XRN1: variants seen among roughly 807,000 people sequenced by gnomAD.
XRN1 encodes strand-exchange protein 1 homolog.
A neutral mutation model predicts 222.3 loss-of-function variants in XRN1; 67 were observed. The ratio of observed to expected loss-of-function variants is 0.30; its 90% CI spans 0.25 to 0.37. XRN1 has a LOEUF of 0.37. XRN1 is among the 10% of genes least tolerant of loss of function. The pLI is 1.00. For missense variants in XRN1, 1,707 were observed against 2,000.2 expected, an observed-to-expected ratio of 0.85 and a Z score of 2.80; for synonymous variants, 643 against 652.4, an observed-to-expected ratio of 0.99 and a Z score of 0.22.
At chr3:142,372,592 G>T (rs1248971837) in intron 25 of XRN1, among the ~76,000 whole-genome samples, 1 of 152,222 alleles carries the variant, frequency 6.6e-6, no homozygotes, top group Non-Finnish European at 1.5e-5. Context: ...TGCGGCTGTT[G>T]TGGGAAGGGA....
chr3:142,349,173 C>T (rs866881868), intron 32 of XRN1, among the ~76,000 whole-genome samples: 2 of 151,978 alleles, frequency 1.3e-5, no homozygotes, highest in South Asian at 4.1e-4. Context: ...AGGTTGGTCT[C>T]GAACTCCTGG....
rs2068091255 is a variant in XRN1, at chr3:142,400,616, T to C, written c.2104-69A>G. 20 of 1,252,796 alleles carry C rather than the reference T, an allele frequency of 1.6e-5. 1 individual carries two copies. The South Asian group carries it at 2.8e-4, about 17-fold the overall frequency. 77.6% of individuals were successfully genotyped at this position (1,252,796 alleles called of 1,614,324 possible). A position where few individuals can be genotyped will look rare whatever the true frequency, so the allele number is the denominator to read the frequency against. The stretch of plus-strand genomic sequence containing the variant: ...AGAGAAAACTTTACACAGGCAAAAT[T>C]TTCCAATCTCCATTTAAGTTTTTTA... On this transcript the variant is annotated intron_variant, in intron 18 of 40. Transcript: ENST00000392981.
chr3:142,334,551 C>T (rs1237964145), intron 34 of XRN1, among the ~76,000 whole-genome samples: 4 of 151,748 alleles, frequency 2.6e-5, no homozygotes, highest in East Asian at 1.9e-4. Flanking sequence ...ATCTTGGCTT[C>T]CCCCACACCA....
Position 142,447,549 on chromosome 3 carries a change from A to G in XRN1, c.75+321T>C, listed in dbSNP as rs1182004953. On this transcript the variant is annotated intron_variant, in intron 1 of 40. Coordinates refer to ENST00000392981, the MANE Select transcript of XRN1 (RefSeq NM_001282857.2). This position sits in a 1 kb window ranked among gnomAD's most constrained non-coding sequence, Gnocchi z 4.2. Reference sequence around the variant, plus strand: ...CTCTGTAAGGAAAAAGGCAACTTGCAGCTCCCCGGGAGGAAACCGGAGAAC... The same window carrying G: ...CTCTGTAAGGAAAAAGGCAACTTGCGGCTCCCCGGGAGGAAACCGGAGAAC... 1.3e-5 allele frequency among the ~76,000 whole-genome samples: 2 copies of G among 152,220 alleles called. No individual in the cohort carries two copies. Among genetic ancestry groups the G allele is most frequent in the Non-Finnish European group, 2.9e-5 (2 of 68,042 alleles).
chr3:142,428,858 C>T (rs1559876500), intron 2 of XRN1, among the ~76,000 whole-genome samples: 2 of 152,056 alleles, frequency 1.3e-5, no homozygotes, highest in Admixed American at 6.6e-5. Context: ...TAGGAGAAAG[C>T]GATCCACCAG....
chr3:142,350,848 G>A (rs1208246904), intron 32 of XRN1, among the ~76,000 whole-genome samples: 3 of 152,128 alleles, frequency 2.0e-5, no homozygotes, highest in African/African-American at 4.8e-5. Context: ...ATTAGGTAAC[G>A]TAAGTTTGTG....
At chr3:142,445,776 C>G (rs559752893) in intron 1 of XRN1, among the ~76,000 whole-genome samples, 2 of 152,290 alleles carry the variant, frequency 1.3e-5, no homozygotes, top group Admixed American at 1.3e-4. Context: ...TTTGAGTGTT[C>G]ACAGGAGGTA....
At chr3:142,368,754 A>G (rs1277309097) in intron 27 of XRN1, among the ~76,000 whole-genome samples, 1 of 152,208 alleles carries the variant, frequency 6.6e-6, no homozygotes, top group Non-Finnish European at 1.5e-5. Context: ...TCTGAGCCTT[A>G]TATTTTTTCC....
chr3:142,388,713 A>C (rs1189615177), intron 20 of XRN1, among the ~76,000 whole-genome samples: 4 of 152,216 alleles, frequency 2.6e-5, no homozygotes, highest in Admixed American at 6.5e-5. Context: ...TTCTCTGCAG[A>C]ATGCAATGCT....
intron 27 of XRN1, 22 bp downstream of exon 27, chr3:142,370,463 C>T (rs765382663): frequency 6.3e-7 from 1 of 1,584,846 alleles, no homozygotes; most frequent in Non-Finnish European, 8.5e-7. Flanking sequence ...CATCAATAAT[C>T]TTGGTTACTG....
chr3:142,332,593 C>CGTAA, intron 35 of XRN1, 59 bp from the exon 36 acceptor site: 1 of 1,442,930 alleles, frequency 6.9e-7, no homozygotes, highest in South Asian at 1.4e-5. Flanking sequence ...GTCAACATTA[C>CGTAA]ATCTGTAGAA....
chr3:142,400,552 A>C lies in XRN1; in HGVS notation c.2104-5T>G, dbSNP rs2068087797. ...TGAAGCTACATTTTCTACGGTCTTA[A>C]AGTAAAAGCAAAAAAGTTCATTCAT... On this transcript the variant is annotated splice_region_variant and splice_polypyrimidine_tract_variant and intron_variant, in intron 18 of 40. Transcript: ENST00000392981. 6.2e-7 allele frequency: 1 copy of C among 1,602,470 alleles called. No homozygotes were observed. Among genetic ancestry groups the C allele is most frequent in the Non-Finnish European group, 8.5e-7 (1 of 1,175,128 alleles).
intron 33 of XRN1, among the ~76,000 whole-genome samples, chr3:142,342,989 C>T (rs1252747458): frequency 6.6e-6 from 1 of 151,964 alleles, no homozygotes; most frequent in African/African-American, 2.4e-5. Context: ...AGAGACAATA[C>T]ACAGAATGGG....
chr3:142,379,202 C>G (rs1334809004), intron 23 of XRN1, among the ~76,000 whole-genome samples: 2 of 152,072 alleles, frequency 1.3e-5, no homozygotes, highest in African/African-American at 2.4e-5. Flanking sequence ...ACCAGGGAGG[C>G]AGAGGTTGCA....
chr3:142,382,494 T>C (rs1005797360), intron 22 of XRN1, among the ~76,000 whole-genome samples: 2 of 152,180 alleles, frequency 1.3e-5, no homozygotes, highest in Non-Finnish European at 2.9e-5. Context: ...ATTTGGGCAG[T>C]GGTAGTACCC....
intron 37 of XRN1, among the ~76,000 whole-genome samples, chr3:142,320,393 C>G (rs2065320566): frequency 6.6e-6 from 1 of 152,130 alleles, no homozygotes; most frequent in Admixed American, 6.6e-5. Flanking sequence ...GAAATGTTCA[C>G]TCATGACCTT....
Position 142,311,649 on chromosome 3 carries a change from T to C in XRN1, c.4947A>G (p.Gln1649=), listed in dbSNP as rs1283923141. 1.9e-6 allele frequency: 3 copies of C among 1,614,120 alleles called. No homozygotes were observed. The highest frequency in any genetic ancestry group is 2.2e-5 in the South Asian group (2 of 91,080). The change falls in exon 41 of 41, where the codon CAA becomes CAG. Residue 1649 remains glutamine, a synonymous_variant. Transcript: ENST00000392981. ...SASLKSSPIA[Q]PASSFQVETA... is the part of the protein sequence containing the mutation. Reference sequence around the variant, plus strand: ...TTTCAACTTGAAAAGAAGATGCAGGTTGAGCAATCGGAGAGGACTTCAAAG... The same window carrying C: ...TTTCAACTTGAAAAGAAGATGCAGGCTGAGCAATCGGAGAGGACTTCAAAG...
rs2065269298 is a variant in XRN1 at position 142,318,711 on chromosome 3, A to C, written c.4519-17T>G. 1.2e-6 allele frequency: 2 copies of C among 1,610,388 alleles called. No individual in the cohort carries two copies. The highest frequency in any genetic ancestry group is 4.5e-5 in the East Asian group (2 of 44,806). ...TAAGGAGCCCTGTGGAAGTATTTAA[A>C]AGTTACAAGACAATGCAATACAAGC... On this transcript the variant is annotated splice_polypyrimidine_tract_variant and intron_variant, in intron 38 of 40. Coordinates refer to ENST00000392981, the MANE Select transcript of XRN1 (RefSeq NM_001282857.2).
intron 31 of XRN1, among the ~76,000 whole-genome samples, 198 bp downstream of exon 31, chr3:142,356,714 G>A (rs536098602): frequency 1.3e-5 from 2 of 152,208 alleles, no homozygotes; most frequent in African/African-American, 4.8e-5. Context: ...TAATACAACT[G>A]TTATTTTATA....
Sources: gnomAD v4.1 joint callset for allele counts (sites outside exome capture counted in the v4.1 genomes callset) on GRCh38, gnomAD v4.1.1 for gene constraint, Gnocchi (gnomAD v3.1) non-coding constraint, MANE v1.5 for transcripts, NCBI Gene and HGNC (gene_info 2026-07-23, HGNC 2026-07-21) for gene names.